The following NDST4 variants were observed in gnomAD, a reference collection of about 807,000 sequenced individuals.
The protein encoded by NDST4 is N-deacetylase and N-sulfotransferase 4, also known as N-heparan sulfate sulfotransferase 4.
A neutral mutation model predicts 100.8 loss-of-function variants in NDST4; 63 were observed. The observed-to-expected ratio is 0.62, with a 90% CI of 0.51 to 0.77. The LOEUF (loss-of-function observed/expected upper bound fraction) is 0.77, where lower values mean the gene tolerates loss of function less well. Among genes scored for constraint, NDST4 ranks in the 30% least tolerant of loss-of-function variants. The probability of loss-of-function intolerance (pLI) is 0.00; values close to 1 mark genes in which losing one functional copy is unlikely to be tolerated. For synonymous variants in NDST4, 377 were observed against 361.8 expected (o/e 1.04, Z -0.48); for missense variants, 943 against 1,018.4 (o/e 0.93, Z 1.01).
chr4:114,866,665 A>C (rs1724032427), intron 7 of NDST4, among the ~76,000 whole-genome samples: 1 of 152,210 alleles, frequency 6.6e-6, no homozygotes, highest in African/African-American at 2.4e-5. Context: ...TGCAGGAATC[A>C]GTATATGACA....
At chr4:115,038,088 A>G (rs1728271296) in intron 2 of NDST4, among the ~76,000 whole-genome samples, 1 of 152,190 alleles carries the variant, frequency 6.6e-6, no homozygotes, top group South Asian at 2.1e-4. Flanking sequence ...CACAGTGCTG[A>G]CATATAACAC....
At chr4:115,100,137 G>T (rs1348211296) in intron 1 of NDST4, among the ~76,000 whole-genome samples, 1 of 152,022 alleles carries the variant, frequency 6.6e-6, no homozygotes, top group Non-Finnish European at 1.5e-5. Context: ...TGAAAGGATC[G>T]GTGGTTATCA....
chr4:115,092,117 G>A (rs1729532045), intron 1 of NDST4, among the ~76,000 whole-genome samples: 1 of 152,126 alleles, frequency 6.6e-6, no homozygotes, highest in South Asian at 2.1e-4. Flanking sequence ...AGTAGCCATA[G>A]AGCAAATATT....
At position 114,870,768 on chromosome 4, in the gene NDST4, C is replaced by T; in HGVS notation, c.1719G>A (p.Gln573=). The T allele has an allele frequency of 6.3e-7, 1 of 1,593,184 alleles. No individual in the cohort carries two copies. The highest frequency in any genetic ancestry group is 8.5e-7 in the Non-Finnish European group (1 of 1,172,452). The part of the protein sequence containing the change: ...LFPEQKDPLW[Q]NPCDDKRHKD... ...CCCAAGAGAGAATGTTAAATGTTAC[C>T]TGCCATAGAGGGTCTTTCTGCTCAG... The change falls in exon 7 of 14, where the codon CAG becomes CAA. Residue 573 remains glutamine (Q), a splice_region_variant and synonymous_variant. Coordinates refer to ENST00000264363, the MANE Select transcript of NDST4 (RefSeq NM_022569.3).
At chr4:114,843,637 T>C (rs1324100359) in intron 10 of NDST4, among the ~76,000 whole-genome samples, 1 of 152,192 alleles carries the variant, frequency 6.6e-6, no homozygotes, top group Non-Finnish European at 1.5e-5. Context: ...TCGCTTTGCC[T>C]AATGGTTTGA....
At chr4:114,901,941 TATCTTTTAAGAAAAGA>T (rs1359799069) in intron 6 of NDST4, among the ~76,000 whole-genome samples, 1 of 152,012 alleles carries the variant, frequency 6.6e-6, no homozygotes, top group Non-Finnish European at 1.5e-5. Context: ...GTAGTGCAAA[TATCTTTTAAGAAAAGA>T]AATCCTAATT....
chr4:114,830,453 G>A (rs1723170808), intron 12 of NDST4, among the ~76,000 whole-genome samples: 1 of 152,182 alleles, frequency 6.6e-6, no homozygotes, highest in Admixed American at 6.5e-5. Flanking sequence ...AAATAAAGTG[G>A]AAGATTAGAC....
chr4:115,071,000 G>T (rs1217274319), intron 2 of NDST4, among the ~76,000 whole-genome samples: 1 of 151,994 alleles, frequency 6.6e-6, no homozygotes, highest in Non-Finnish European at 1.5e-5. Flanking sequence ...AGCTACTCGG[G>T]AGGCTGAGGC....
chr4:115,033,157 A>ATTTTTT (rs1192796806), intron 2 of NDST4, among the ~76,000 whole-genome samples: 1 of 59,944 alleles, frequency 1.7e-5, no homozygotes, highest in African/African-American at 5.8e-5. Flanking sequence ...ATATATATAT[A>ATTTTTT]TTTTTTTTTT....
intron 1 of NDST4, among the ~76,000 whole-genome samples, chr4:115,080,590 T>C (rs1375837610): frequency 6.6e-6 from 1 of 152,158 alleles, no homozygotes; most frequent in Admixed American, 6.6e-5. Context: ...AAAGCAATTA[T>C]ATTATATCCT....
intron 2 of NDST4, among the ~76,000 whole-genome samples, chr4:114,977,792 T>C (rs754501908): frequency 7.2e-5 from 11 of 152,004 alleles, no homozygotes; most frequent in Non-Finnish European, 1.3e-4. Context: ...GAGCAATGTG[T>C]ATTTTATAGG....
At chr4:115,110,513 G>T (rs7679114) in intron 1 of NDST4, among the ~76,000 whole-genome samples, 82,245 of 151,678 alleles carry the variant, frequency 0.54, 22,779 homozygotes, top group Non-Finnish European at 0.58. Flanking sequence ...TGCTACAACA[G>T]TATTTAGTGT....
At chr4:114,998,400 C>T (rs1225474377) in intron 2 of NDST4, among the ~76,000 whole-genome samples, 1 of 152,008 alleles carries the variant, frequency 6.6e-6, no homozygotes, top group African/African-American at 2.4e-5. Context: ...AAAATGAATT[C>T]CCCAAAGTGC....
intron 6 of NDST4, among the ~76,000 whole-genome samples, chr4:114,933,634 T>A (rs1273970003): frequency 6.6e-6 from 1 of 151,846 alleles, no homozygotes; most frequent in African/African-American, 2.4e-5. Context: ...AAAATACGTA[T>A]CAGGAACTCA....
intron 6 of NDST4, among the ~76,000 whole-genome samples, chr4:114,873,531 A>C (rs1419143626): frequency 6.6e-6 from 1 of 152,002 alleles, no homozygotes; most frequent in African/African-American, 2.4e-5. Context: ...ATATAAACAT[A>C]ACACTGTCCA....
At chr4:114,909,143 T>C (rs972098385) in intron 6 of NDST4, among the ~76,000 whole-genome samples, 4 of 152,182 alleles carry the variant, frequency 2.6e-5, no homozygotes, top group African/African-American at 9.6e-5. Flanking sequence ...TTAAAATTCA[T>C]TTATCAAAAA....
At chr4:115,057,919 G>T (rs72898630) in intron 2 of NDST4, among the ~76,000 whole-genome samples, 4,045 of 152,026 alleles carry the variant, frequency 0.027, 182 homozygotes, top group African/African-American at 0.093. Context: ...TAAAAAGTAT[G>T]GAATATTAAA....
chr4:115,102,737 A>G (rs1729757490), intron 1 of NDST4, among the ~76,000 whole-genome samples: 1 of 88,308 alleles, frequency 1.1e-5, no homozygotes, highest in Non-Finnish European at 2.0e-5. Context: ...ACATGGAGTT[A>G]GGCTCTTATC....
intron 6 of NDST4, among the ~76,000 whole-genome samples, chr4:114,896,682 T>A (rs1220084729): frequency 1.3e-5 from 2 of 152,092 alleles, no homozygotes; most frequent in Non-Finnish European, 2.9e-5. Flanking sequence ...GAACACATAT[T>A]ATTCTAGAAA....
Sources: gnomAD v4.1 joint callset for allele counts (sites outside exome capture counted in the v4.1 genomes callset) on GRCh38, gnomAD v4.1.1 for gene constraint, MANE v1.5 for transcripts, NCBI Gene and HGNC (gene_info 2026-07-23, HGNC 2026-07-21) for gene names.